The following RASA2 variants were observed in gnomAD, a reference collection of about 807,000 sequenced individuals.
The protein encoded by RASA2 is RAS p21 protein activator 2.
RASA2 carries 155 observed loss-of-function variants against 118.2 expected under a neutral mutation model. The ratio of observed to expected loss-of-function variants is 1.31; its 90% CI spans 1.15 to 1.50. RASA2 has a LOEUF of 1.50. Ranked by LOEUF, RASA2 falls within the 40% of genes most tolerant of loss-of-function variation. The pLI is 0.00. For missense variants in RASA2, 1,016 were observed against 1,009.6 expected (o/e 1.01, Z -0.09); for synonymous variants, 353 against 349.1 (o/e 1.01, Z -0.12).
At chr3:141,529,917 C>T (rs1327282985) in intron 4 of RASA2, 115 bp downstream of exon 4, 3 of 769,436 alleles carry the variant, frequency 3.9e-6, no homozygotes, top group Non-Finnish European at 4.1e-6. Flanking sequence ...TAAATTCTAG[C>T]ATCAAATATT....
intron 9 of RASA2, among the ~76,000 whole-genome samples, chr3:141,563,412 C>T (rs1055948654): frequency 1.3e-5 from 2 of 151,984 alleles, no homozygotes; most frequent in African/African-American, 4.8e-5. Context: ...CACAAGGATC[C>T]TTCAGGCAGT....
Position 141,487,072 on chromosome 3 carries a change from C to G in RASA2, c.-12C>G. On this transcript the variant is annotated 5_prime_UTR_variant, in exon 1 of 24. Transcript: ENST00000286364. ...GCAGGCGGCAGGGCTGCGGCACGGGCCGGGCGGCACCATGGCGGCGGCGGC... is the reference window on the plus strand; with the variant it reads ...GCAGGCGGCAGGGCTGCGGCACGGGGCGGGCGGCACCATGGCGGCGGCGGC... 3 of 1,304,180 alleles carry G rather than the reference C, an allele frequency of 2.3e-6. No individual in the cohort carries two copies. Among genetic ancestry groups the G allele is most frequent in the South Asian group, 1.9e-5 (1 of 53,182 alleles). 80.8% of individuals were successfully genotyped at this position (1,304,180 alleles called of 1,614,324 possible). A position where few individuals can be genotyped will look rare whatever the true frequency, so the allele number is the denominator to read the frequency against.
intron 9 of RASA2, among the ~76,000 whole-genome samples, chr3:141,564,059 T>G (rs1259436219): frequency 6.6e-6 from 1 of 152,074 alleles, no homozygotes; most frequent in Non-Finnish European, 1.5e-5. Flanking sequence ...GAAACAAGTT[T>G]AGAAAGTATG....
At chr3:141,493,261 G>A (rs1402238986) in intron 1 of RASA2, among the ~76,000 whole-genome samples, 2 of 152,064 alleles carry the variant, frequency 1.3e-5, no homozygotes, top group Admixed American at 6.6e-5. Context: ...TCACTGTGCC[G>A]TCTACACACT....
chr3:141,611,637 A>G (rs1353073746), intron 23 of RASA2, among the ~76,000 whole-genome samples: 3 of 152,208 alleles, frequency 2.0e-5, no homozygotes, highest in African/African-American at 4.8e-5. Flanking sequence ...CACACTGCTG[A>G]CTAGGGCTCT....
At chr3:141,554,781 C>T (rs1010147606) in intron 6 of RASA2, among the ~76,000 whole-genome samples, 1 of 152,100 alleles carries the variant, frequency 6.6e-6, no homozygotes, top group Non-Finnish European at 1.5e-5. Flanking sequence ...TTATTAGGTG[C>T]TCAAACAATA....
At position 141,613,660 on chromosome 3, in the gene RASA2, G is replaced by A. The variant is rs1233732880; in HGVS notation, c.*1347G>A. 6.6e-6 allele frequency: 1 copy of A among 152,132 alleles called. No individual in the cohort carries two copies. The highest frequency in any genetic ancestry group is 2.4e-5 in the African/African-American group (1 of 41,434). 9.4% of individuals were successfully genotyped at this position (152,132 alleles called of 1,614,324 possible). ...GTGACTTATTAATGTAAGTCTGCTA[G>A]TAGTACTTTTTTTGTCTGAGCATAA... On this transcript the variant is annotated 3_prime_UTR_variant, in exon 24 of 24. Coordinates refer to ENST00000286364, the MANE Select transcript of RASA2 (RefSeq NM_006506.5).
chr3:141,612,152 A>G, intron 23 of RASA2, 131 bp from the exon 24 acceptor site: 1 of 707,490 alleles, frequency 1.4e-6, no homozygotes, highest in South Asian at 1.7e-5. Flanking sequence ...TACTCATTGA[A>G]TTAATGAAAC....
At position 141,537,583 on chromosome 3, in the gene RASA2, A is replaced by G. The variant is rs1296203152; in HGVS notation, c.451-2950A>G. Among the ~76,000 whole-genome samples, 3 of 152,326 alleles carry G rather than the reference A, an allele frequency of 2.0e-5. No homozygotes were observed. The East Asian group carries it at 5.8e-4, about 29-fold the overall frequency. Reference sequence around the variant, plus strand: ...CAGAAGTTCAAGACCAGCCTGGCCAACATGGTGAAACCGTGTCTCTACTAA... The same window carrying G: ...CAGAAGTTCAAGACCAGCCTGGCCAGCATGGTGAAACCGTGTCTCTACTAA... On this transcript the variant is annotated intron_variant, in intron 4 of 23. Coordinates refer to ENST00000286364, the MANE Select transcript of RASA2 (RefSeq NM_006506.5).
chr3:141,537,480 T>A (rs185943378), intron 4 of RASA2, among the ~76,000 whole-genome samples: 91 of 152,196 alleles, frequency 6.0e-4, no homozygotes, highest in South Asian at 1.9e-3. Context: ...AAAAAATAGC[T>A]ATTTTAGGCT....
intron 7 of RASA2, among the ~76,000 whole-genome samples, chr3:141,556,621 A>G: frequency 6.6e-6 from 1 of 152,096 alleles, no homozygotes; most frequent in East Asian, 1.9e-4. Flanking sequence ...CCTTTTTCAT[A>G]TTATTTGCAA....
At chr3:141,589,147 A>T (rs1182759070) in intron 19 of RASA2, among the ~76,000 whole-genome samples, 1 of 152,074 alleles carries the variant, frequency 6.6e-6, no homozygotes, top group African/African-American at 2.4e-5. Context: ...CCCAGATAGC[A>T]TTTTTTAAGC....
intron 4 of RASA2, among the ~76,000 whole-genome samples, chr3:141,535,502 T>C (rs2082314815): frequency 6.6e-6 from 1 of 152,246 alleles, no homozygotes; most frequent in South Asian, 2.1e-4. Flanking sequence ...AATACCTCTA[T>C]ATTAGTCCAT....
chr3:141,612,189 G>A, intron 23 of RASA2, 94 bp from the exon 24 acceptor site: 1 of 958,316 alleles, frequency 1.0e-6, no homozygotes. Flanking sequence ...GATTATCCAG[G>A]GAAAATTCTA....
chr3:141,526,528 T>C (rs918533042), intron 3 of RASA2, among the ~76,000 whole-genome samples: 1 of 152,208 alleles, frequency 6.6e-6, no homozygotes, highest in Admixed American at 6.5e-5. Context: ...TTATATGTTA[T>C]ATTGCCTAAT....
intron 19 of RASA2, among the ~76,000 whole-genome samples, chr3:141,597,057 A>C (rs1220673850): frequency 6.6e-6 from 1 of 152,190 alleles, no homozygotes; most frequent in Non-Finnish European, 1.5e-5. Flanking sequence ...AATGTCTATC[A>C]GCTGGTGAAT....
intron 5 of RASA2, among the ~76,000 whole-genome samples, chr3:141,548,963 T>C (rs1239906235): frequency 6.6e-6 from 1 of 152,214 alleles, no homozygotes; most frequent in Non-Finnish European, 1.5e-5. Flanking sequence ...TGAATATAGC[T>C]GGAGAAAATC....
At chr3:141,609,333 A>G in intron 21 of RASA2, 87 bp from the exon 22 acceptor site, 1 of 756,898 alleles carries the variant, frequency 1.3e-6, no homozygotes, top group East Asian at 3.3e-5. Flanking sequence ...CTGTGGTTCT[A>G]TTTTTAGTCT....
At chr3:141,538,259 C>G (rs1194326082) in intron 4 of RASA2, among the ~76,000 whole-genome samples, 2 of 152,050 alleles carry the variant, frequency 1.3e-5, no homozygotes, top group Non-Finnish European at 2.9e-5. Context: ...AACTGAAAAG[C>G]AGTTTTAAAT....
Sources: allele counts gnomAD v4.1 joint callset (sites outside exome capture counted in the v4.1 genomes callset), GRCh38; gene constraint gnomAD v4.1.1; transcripts MANE v1.5; gene names NCBI Gene and HGNC (gene_info 2026-07-23, HGNC 2026-07-21).